The following CIT variants were observed in gnomAD, a reference collection of about 807,000 sequenced individuals.
CIT encodes citron Rho-interacting kinase.
In CIT, 79 loss-of-function variants were observed where a neutral mutation model predicts 272.7. That is an observed-to-expected ratio of 0.29 (90% CI 0.24 to 0.35). The LOEUF is 0.35. CIT is among the 10% of genes least tolerant of loss of function. The probability of loss-of-function intolerance (pLI) is 1.00; values close to 1 mark genes in which losing one functional copy is unlikely to be tolerated. For synonymous variants in CIT, 948 were observed against 995.6 expected, an observed-to-expected ratio of 0.95 and a Z score of 0.90; for missense variants, 1,909 against 2,618.3, an observed-to-expected ratio of 0.73 and a Z score of 5.91.
At chr12:119,840,813 C>T (rs990929159) in intron 5 of CIT, among the ~76,000 whole-genome samples, 3 of 152,142 alleles carry the variant, frequency 2.0e-5, no homozygotes, top group African/African-American at 7.2e-5. Flanking sequence ...ATCAAAACAG[C>T]ACATGTCTCA....
At chr12:119,826,251 TA>T (rs1968146636) in intron 7 of CIT, among the ~76,000 whole-genome samples, 1 of 152,126 alleles carries the variant, frequency 6.6e-6, no homozygotes, top group African/African-American at 2.4e-5. Flanking sequence ...TCCTCACCCC[TA>T]ACCCTTGTTC....
At chr12:119,855,389 C>T (rs1270335426) in intron 4 of CIT, among the ~76,000 whole-genome samples, 1 of 152,042 alleles carries the variant, frequency 6.6e-6, no homozygotes, top group Non-Finnish European at 1.5e-5. Flanking sequence ...CACCACTGCA[C>T]TCCAGCCTGG....
chr12:119,705,685 T>A (rs1208554613), intron 40 of CIT, among the ~76,000 whole-genome samples: 1 of 135,876 alleles, frequency 7.4e-6, no homozygotes, highest in Non-Finnish European at 1.5e-5. Context: ...GGCAGAAGAA[T>A]CACTTGAACC....
intron 7 of CIT, among the ~76,000 whole-genome samples, chr12:119,827,626 C>T (rs562726134): frequency 2.0e-5 from 3 of 152,052 alleles, no homozygotes; most frequent in South Asian, 2.1e-4. Flanking sequence ...TTAGTAGAGA[C>T]GGGGTTTCAC....
intron 24 of CIT, among the ~76,000 whole-genome samples, chr12:119,737,883 G>A (rs929272366): frequency 6.6e-6 from 1 of 152,134 alleles, no homozygotes; most frequent in Non-Finnish European, 1.5e-5. Context: ...AGTTGCTGGA[G>A]TCATGATATT....
chr12:119,774,138 T>C (rs1426942564), intron 16 of CIT, among the ~76,000 whole-genome samples: 1 of 152,172 alleles, frequency 6.6e-6, no homozygotes, highest in East Asian at 1.9e-4. Flanking sequence ...GGTAGGGGGA[T>C]GAGAGGAATT....
chr12:119,718,163 C>A lies in CIT; in HGVS notation c.4168+82G>T. 6.8e-7 allele frequency: 1 copy of A among 1,461,772 alleles called. No homozygotes were observed. The highest frequency in any genetic ancestry group is 9.2e-7 in the Non-Finnish European group (1 of 1,085,928). The allele number at this position is 1,461,772 out of a possible 1,614,324, so 90.6% of individuals were successfully genotyped here. ...CCAAGACTGACTTTTTAATCTTTAA[C>A]CCCTAGTATTACTTGTAATTTTTAC... is the stretch of plus-strand genomic sequence containing the variant. On this transcript the variant is annotated intron_variant, in intron 32 of 47. Transcript: ENST00000392521. This position sits in a 1 kb window ranked among gnomAD's most constrained non-coding sequence, Gnocchi z 4.8.
At chr12:119,721,823 TA>T (rs1957826645) in intron 28 of CIT, among the ~76,000 whole-genome samples, 1 of 152,220 alleles carries the variant, frequency 6.6e-6, no homozygotes, top group Non-Finnish European at 1.5e-5. Context: ...CCATGACAAC[TA>T]AGTTCCAATG....
rs546520444 is a variant in CIT, at chr12:119,717,834, C to CTTTTTTTTTTTTTTTTTTT, written c.4168+410_4168+411insAAAAAAAAAAAAAAAAAAA. ...GGATGGGGAGCCAGGAGACTGACTT[C>CTTTTTTTTTTTTTTTTTTT]TTTCTTTTTTTTTTTTTTTTTTTTG... is the stretch of plus-strand genomic sequence containing the variant. On this transcript the variant is annotated intron_variant, in intron 32 of 47. Coordinates refer to ENST00000392521, the MANE Select transcript of CIT (RefSeq NM_001206999.2). Among the ~76,000 whole-genome samples the CTTTTTTTTTTTTTTTTTTT allele has an allele frequency of 7.1e-4, 50 of 70,228 alleles. 1 individual carries two copies. The highest frequency in any genetic ancestry group is 1.7e-3 in the African/African-American group (35 of 20,102). The allele number at this position is 70,228 out of a possible 152,430, so 46.1% of individuals were successfully genotyped here.
chr12:119,745,970 T>C (rs1430270657), intron 23 of CIT, among the ~76,000 whole-genome samples: 1 of 152,210 alleles, frequency 6.6e-6, no homozygotes, highest in Admixed American at 6.5e-5. Context: ...ATCTACCTGC[T>C]TTTTGCCCAG....
At chr12:119,812,551 C>T (rs1265298587) in intron 9 of CIT, among the ~76,000 whole-genome samples, 1 of 151,072 alleles carries the variant, frequency 6.6e-6, no homozygotes. Context: ...GCAATCCTCC[C>T]ACCTCAGCCT....
chr12:119,742,673 C>A (rs1458236343), intron 23 of CIT: 5 of 474,488 alleles, frequency 1.1e-5, no homozygotes, highest in Admixed American at 3.9e-5. Context: ...ACAATTAATT[C>A]TTTAGACCAT....
intron 4 of CIT, among the ~76,000 whole-genome samples, chr12:119,856,279 G>A (rs1327765097): frequency 6.6e-6 from 1 of 152,000 alleles, no homozygotes; most frequent in African/African-American, 2.4e-5. Context: ...GGAATGGGGA[G>A]GTATTGTATA....
chr12:119,755,844 G>C (rs922804273), intron 22 of CIT, among the ~76,000 whole-genome samples: 1 of 152,128 alleles, frequency 6.6e-6, no homozygotes, highest in African/African-American at 2.4e-5. Flanking sequence ...TTTTTGAAGA[G>C]AGCTACCTTT....
intron 13 of CIT, among the ~76,000 whole-genome samples, chr12:119,779,220 A>AAATTAATT (rs1027247059): frequency 6.6e-6 from 1 of 152,018 alleles, no homozygotes; most frequent in Non-Finnish European, 1.5e-5. Context: ...ACTCTATCTC[A>AAATTAATT]AATTAATTAA....
At chr12:119,757,251 C>T (rs1961113856) in intron 22 of CIT, 120 bp downstream of exon 22, 4 of 1,276,132 alleles carry the variant, frequency 3.1e-6, no homozygotes, top group Non-Finnish European at 3.3e-6. Context: ...CTCAAGTCTG[C>T]CCCCTTAACC....
chr12:119,735,064 G>T (rs1381153513), intron 25 of CIT, 96 bp downstream of exon 25: 10 of 1,113,034 alleles, frequency 9.0e-6, no homozygotes, highest in Non-Finnish European at 1.3e-5. Flanking sequence ...ACTGTATGAG[G>T]TTCAGTGTTG....
intron 4 of CIT, among the ~76,000 whole-genome samples, chr12:119,852,747 A>G (rs1360699031): frequency 6.6e-6 from 1 of 151,914 alleles, no homozygotes; most frequent in Non-Finnish European, 1.5e-5. Flanking sequence ...TGCTTAAAAT[A>G]AATAAATTAT....
chr12:119,760,901 C>T, intron 20 of CIT, 38 bp downstream of exon 20: 2 of 1,343,978 alleles, frequency 1.5e-6, no homozygotes, highest in Non-Finnish European at 2.1e-6. Context: ...TTCAAAAACC[C>T]TCCTTTGAAC....
Sources: allele counts gnomAD v4.1 joint callset (sites outside exome capture counted in the v4.1 genomes callset), GRCh38; gene constraint gnomAD v4.1.1; non-coding constraint Gnocchi (gnomAD v3.1); transcripts MANE v1.5; gene names NCBI Gene and HGNC (gene_info 2026-07-23, HGNC 2026-07-21).